Variants in MB21D2 observed in about 807,000 individuals in gnomAD.
The protein encoded by MB21D2 is Mab-21 domain containing 2, also known as nucleotidyltransferase MB21D2.
MB21D2 carries 9 observed loss-of-function variants against 33.3 expected under a neutral mutation model. That is an observed-to-expected ratio of 0.27 (90% CI 0.16 to 0.47). MB21D2 has a LOEUF of 0.47. Among genes scored for constraint, MB21D2 ranks in the 20% least tolerant of loss-of-function variants. MB21D2 has a pLI of 0.99. For synonymous variants in MB21D2, 241 were observed against 236.3 expected (o/e 1.02, Z -0.18); for missense variants, 540 against 624.6 (o/e 0.86, Z 1.44).
Position 192,798,770 on chromosome 3 carries a change from G to A in MB21D2, c.1092C>T (p.Asp364=). The A allele has an allele frequency of 3.1e-6, 5 of 1,613,210 alleles. No homozygotes were observed. The highest frequency in any genetic ancestry group is 4.2e-6 in the Non-Finnish European group (5 of 1,179,972). ...TCTTGTTGACCAGACAGTGTTGCAG[G>A]TCATCGATGAGGCCCAGCAAAAAGT... ...AAHFLLGLID[D]LQHCLVNKMC... The change falls in exon 2 of 2, where the codon GAC becomes GAT. Residue 364 remains aspartate, a synonymous_variant. Coordinates refer to ENST00000392452, the MANE Select transcript of MB21D2 (RefSeq NM_178496.4). The surrounding 1 kb of genome is among the most constrained non-coding windows in gnomAD (Gnocchi z 4.8).
Position 192,912,443 on chromosome 3 carries a change from T to C in MB21D2, c.211+5187A>G, listed in dbSNP as rs545755496. 1.0e-3 allele frequency among the ~76,000 whole-genome samples: 156 copies of C among 152,064 alleles called. 1 individual carries two copies. Among genetic ancestry groups the C allele is most frequent in the African/African-American group, 3.6e-3 (148 of 41,494 alleles). Reference sequence around the variant, plus strand: ...CAGCACTTTGGGAGGCCGAGGTGGGTGGATCACCTGAGGTCAGGAGTTCTA... The same window carrying C: ...CAGCACTTTGGGAGGCCGAGGTGGGCGGATCACCTGAGGTCAGGAGTTCTA... On this transcript the variant is annotated intron_variant, in intron 1 of 1. Transcript: ENST00000392452.
chr3:192,881,736 C>A (rs1476257189), intron 1 of MB21D2, among the ~76,000 whole-genome samples: 1 of 152,086 alleles, frequency 6.6e-6, no homozygotes, highest in Non-Finnish European at 1.5e-5. Flanking sequence ...GCGGCACTGG[C>A]CAAAGAGGGC....
intron 1 of MB21D2, among the ~76,000 whole-genome samples, chr3:192,909,265 A>T (rs1293878901): frequency 6.7e-6 from 1 of 150,014 alleles, no homozygotes; most frequent in African/African-American, 2.5e-5. Flanking sequence ...CAAAAAAAAA[A>T]AATAAAAAAT....
At chr3:192,818,004 G>A (rs1272387543) in intron 1 of MB21D2, among the ~76,000 whole-genome samples, 1 of 149,688 alleles carries the variant, frequency 6.7e-6, no homozygotes, top group African/African-American at 2.5e-5. Context: ...GTGTTTTCCA[G>A]TCCCCAAGCC....
At chr3:192,842,814 T>C (rs1712602276) in intron 1 of MB21D2, among the ~76,000 whole-genome samples, 1 of 152,204 alleles carries the variant, frequency 6.6e-6, no homozygotes, top group South Asian at 2.1e-4. Context: ...ACGGTCCAAT[T>C]ACTCCAAGGT....
At chr3:192,917,313 TTCCCCC>T (rs1323716844) in intron 1 of MB21D2, among the ~76,000 whole-genome samples, 1 of 152,168 alleles carries the variant, frequency 6.6e-6, no homozygotes, top group Non-Finnish European at 1.5e-5. Context: ...TTCCAGGGGC[TTCCCCC>T]AACAGTGCAA....
Position 192,797,086 on chromosome 3 carries a change from T to A in MB21D2, c.*1300A>T, listed in dbSNP as rs1387554588. 1 of 152,588 alleles carries A rather than the reference T, an allele frequency of 6.6e-6. No individual in the cohort carries two copies. Among genetic ancestry groups the A allele is most frequent in the African/African-American group, 2.4e-5 (1 of 41,422 alleles). 9.5% of individuals were successfully genotyped at this position (152,588 alleles called of 1,614,324 possible). A position where few individuals can be genotyped will look rare whatever the true frequency, so the allele number is the denominator to read the frequency against. On this transcript the variant is annotated 3_prime_UTR_variant, in exon 2 of 2. Transcript: ENST00000392452. Reference sequence around the variant, plus strand: ...TGACCTCTTAAACACCAGCTTGCCATGAGTCCACACCAAAACAGGGAGCCA... The same window carrying A: ...TGACCTCTTAAACACCAGCTTGCCAAGAGTCCACACCAAAACAGGGAGCCA...
intron 1 of MB21D2, among the ~76,000 whole-genome samples, chr3:192,868,640 A>G (rs1713219787): frequency 6.6e-6 from 1 of 152,112 alleles, no homozygotes; most frequent in African/African-American, 2.4e-5. Context: ...ATCATCTTAA[A>G]GGGGGAAAAG....
intron 1 of MB21D2, among the ~76,000 whole-genome samples, chr3:192,857,696 T>C (rs1712948969): frequency 6.6e-6 from 1 of 152,032 alleles, no homozygotes; most frequent in African/African-American, 2.4e-5. Context: ...ATCCTGACTC[T>C]GCCTTCCATG....
chr3:192,890,781 A>T (rs1461124838), intron 1 of MB21D2, among the ~76,000 whole-genome samples: 1 of 152,054 alleles, frequency 6.6e-6, no homozygotes, highest in African/African-American at 2.4e-5. Context: ...CGTCATAACG[A>T]TCCTCCTCAC....
At chr3:192,805,599 G>C (rs1214065990) in intron 1 of MB21D2, among the ~76,000 whole-genome samples, 1 of 152,124 alleles carries the variant, frequency 6.6e-6, no homozygotes, top group African/African-American at 2.4e-5. Flanking sequence ...TCCCCATTTT[G>C]ACACTGATAT....
chr3:192,878,056 G>A (rs1305263758), intron 1 of MB21D2, among the ~76,000 whole-genome samples: 21 of 147,394 alleles, frequency 1.4e-4, no homozygotes, highest in East Asian at 1.0e-3. Context: ...CGGCCCGTAC[G>A]AAACATCTTC....
intron 1 of MB21D2, among the ~76,000 whole-genome samples, chr3:192,913,021 A>G (rs6772997): frequency 1.1e-3 from 175 of 152,386 alleles, no homozygotes; most frequent in African/African-American, 4.0e-3. Flanking sequence ...TGGTCAGCAC[A>G]TGGTATGAGC....
intron 1 of MB21D2, among the ~76,000 whole-genome samples, chr3:192,847,480 T>C (rs1712701128): frequency 6.6e-6 from 1 of 152,200 alleles, no homozygotes; most frequent in African/African-American, 2.4e-5. Flanking sequence ...AAGGCGAATT[T>C]TCCTCATTGT....
chr3:192,843,981 C>T (rs897403342), intron 1 of MB21D2, among the ~76,000 whole-genome samples: 4 of 152,164 alleles, frequency 2.6e-5, no homozygotes, highest in East Asian at 1.9e-4. Flanking sequence ...CTCCCAGCCC[C>T]GGAACTCCCA....
chr3:192,894,827 C>G (rs546733689), intron 1 of MB21D2, among the ~76,000 whole-genome samples: 2 of 152,292 alleles, frequency 1.3e-5, no homozygotes, highest in African/African-American at 4.8e-5. Context: ...CACCAGGCAG[C>G]TCTCCCTCAA....
chr3:192,900,563 CTTT>C, intron 1 of MB21D2, among the ~76,000 whole-genome samples: 1 of 149,808 alleles, frequency 6.7e-6, no homozygotes, highest in African/African-American at 2.4e-5. Flanking sequence ...TGTAAAGCTT[CTTT>C]TTTTTTTCTT....
intron 1 of MB21D2, among the ~76,000 whole-genome samples, chr3:192,908,971 T>C (rs1714272029): frequency 6.6e-6 from 1 of 151,632 alleles, no homozygotes; most frequent in Admixed American, 6.6e-5. Context: ...AAATACAAAA[T>C]GCGGCCGGGC....
intron 1 of MB21D2, among the ~76,000 whole-genome samples, chr3:192,862,152 A>G (rs1713057934): frequency 6.6e-6 from 1 of 152,196 alleles, no homozygotes; most frequent in African/African-American, 2.4e-5. Flanking sequence ...CCTGGAAGGA[A>G]ATGTATCTGC....
Sources: allele counts gnomAD v4.1 joint callset (sites outside exome capture counted in the v4.1 genomes callset), GRCh38; gene constraint gnomAD v4.1.1; non-coding constraint Gnocchi (gnomAD v3.1); transcripts MANE v1.5; gene names NCBI Gene and HGNC (gene_info 2026-07-23, HGNC 2026-07-21).